Variants in GABRB3 observed in about 807,000 individuals in gnomAD.
GABRB3 encodes the protein gamma-aminobutyric acid receptor subunit beta-3.
A neutral mutation model predicts 52.1 loss-of-function variants in GABRB3; 14 were observed. That is an observed-to-expected ratio of 0.27 (90% confidence interval 0.18 to 0.42). The LOEUF (loss-of-function observed/expected upper bound fraction) is 0.42, where lower values mean the gene tolerates loss of function less well. Among genes scored for constraint, GABRB3 ranks in the 10% least tolerant of loss-of-function variants. The probability of loss-of-function intolerance (pLI) is 1.00; values close to 1 mark genes in which losing one functional copy is unlikely to be tolerated. For synonymous variants in GABRB3, 260 were observed against 232.3 expected (o/e 1.12, Z -1.08); for missense variants, 307 against 609.1 (o/e 0.50, Z 5.22).
chr15:26,554,958 T>C (rs1889698378), intron 8 of GABRB3, among the ~76,000 whole-genome samples: 1 of 151,892 alleles, frequency 6.6e-6, no homozygotes, highest in Non-Finnish European at 1.5e-5. Context: ...GGCGGGCGGA[T>C]CACGAGGTCA....
At chr15:26,721,720 C>T (rs1462362004) in intron 3 of GABRB3, among the ~76,000 whole-genome samples, 1 of 151,886 alleles carries the variant, frequency 6.6e-6, no homozygotes, top group African/African-American at 2.4e-5. Flanking sequence ...GCCTGCACCA[C>T]AAAATATAGA....
At chr15:26,673,357 A>C (rs1477812162) in intron 3 of GABRB3, among the ~76,000 whole-genome samples, 3 of 152,144 alleles carry the variant, frequency 2.0e-5, no homozygotes, top group Non-Finnish European at 4.4e-5. Flanking sequence ...CTGAGTTCAG[A>C]CTTCAGCTTA....
chr15:26,572,094 A>C (rs1412142567), intron 6 of GABRB3, among the ~76,000 whole-genome samples: 3 of 152,030 alleles, frequency 2.0e-5, no homozygotes, highest in Non-Finnish European at 4.4e-5. Context: ...CAATCAGCAA[A>C]ATGTTCCGGT....
chr15:26,624,436 G>C (rs1314719572), intron 3 of GABRB3: 47 of 985,336 alleles, frequency 4.8e-5, no homozygotes, highest in Non-Finnish European at 5.3e-5. Flanking sequence ...CCTCCGGATG[G>C]GCTCGCACAT....
chr15:26,573,678 T>A (rs748771363), intron 6 of GABRB3, among the ~76,000 whole-genome samples: 1 of 152,182 alleles, frequency 6.6e-6, no homozygotes, highest in Non-Finnish European at 1.5e-5. Flanking sequence ...TGCTCCAAAG[T>A]GTACCGTCAA....
intron 4 of GABRB3, chr15:26,615,492 T>A: frequency 1.0e-6 from 1 of 970,760 alleles, no homozygotes; most frequent in Non-Finnish European, 1.2e-6. Context: ...ATGGGAAAAA[T>A]GGCTCATGAT....
rs141100998 is a variant in GABRB3 at position 26,654,685 on chromosome 15, C to T, written c.241-33151G>A. On this transcript the variant is annotated intron_variant, in intron 3 of 8. Transcript: ENST00000311550. ...CTGACTTAAGAGAAGCATGTGAGAC[C>T]AGGAATTCAAGGCTGCAGTGACCTG... Among the ~76,000 whole-genome samples the T allele has an allele frequency of 9.9e-4, 150 of 152,232 alleles. No individual in the cohort carries two copies. In the Middle Eastern group the frequency reaches 0.01, roughly 10 times the overall value.
At chr15:26,715,646 A>G (rs993513567) in intron 3 of GABRB3, among the ~76,000 whole-genome samples, 11 of 152,222 alleles carry the variant, frequency 7.2e-5, no homozygotes, top group African/African-American at 2.7e-4. Context: ...ATGTTTTCAG[A>G]TAAAATTATA....
At chr15:26,596,951 C>T (rs190866030) in intron 4 of GABRB3, among the ~76,000 whole-genome samples, 3 of 152,228 alleles carry the variant, frequency 2.0e-5, no homozygotes, top group African/African-American at 7.2e-5. Context: ...TGAAGAGTCT[C>T]GAGGCAGTGT....
intron 3 of GABRB3, among the ~76,000 whole-genome samples, chr15:26,649,069 C>T (rs1485409214): frequency 6.6e-6 from 1 of 152,026 alleles, no homozygotes; most frequent in African/African-American, 2.4e-5. Flanking sequence ...ACTTCTCTCG[C>T]GCTGTTTTCT....
intron 3 of GABRB3, among the ~76,000 whole-genome samples, chr15:26,646,226 C>A (rs2140580924): frequency 6.6e-6 from 1 of 152,270 alleles, no homozygotes; most frequent in East Asian, 1.9e-4. Flanking sequence ...TCCCTTCACA[C>A]TCCATCACCC....
intron 3 of GABRB3, among the ~76,000 whole-genome samples, chr15:26,707,240 C>T (rs188906261): frequency 6.6e-6 from 1 of 152,176 alleles, no homozygotes; most frequent in East Asian, 1.9e-4. Context: ...CAGGCATGTT[C>T]CCAGGAACTC....
At chr15:26,692,092 C>A (rs1489695497) in intron 3 of GABRB3, among the ~76,000 whole-genome samples, 1 of 151,994 alleles carries the variant, frequency 6.6e-6, no homozygotes, top group South Asian at 2.1e-4. Context: ...TGAAAATAAC[C>A]CAGAAGAACA....
intron 3 of GABRB3, among the ~76,000 whole-genome samples, chr15:26,695,439 C>T (rs201749362): frequency 1.6e-5 from 2 of 121,488 alleles, no homozygotes; most frequent in East Asian, 5.9e-4. Flanking sequence ...CATAGAGTAA[C>T]ATAGTTCAAT....
chr15:26,568,059 C>T (rs1890246565), intron 6 of GABRB3, among the ~76,000 whole-genome samples: 1 of 152,206 alleles, frequency 6.6e-6, no homozygotes, highest in African/African-American at 2.4e-5. Context: ...GAATGATTAT[C>T]CCCTTCTTCC....
intron 3 of GABRB3, chr15:26,625,479 G>A (rs951310141): frequency 1.0e-6 from 1 of 985,264 alleles, no homozygotes; most frequent in South Asian, 4.7e-5. Flanking sequence ...CAGTCACAAA[G>A]AGATGGAATT....
At position 26,772,690 on chromosome 15, in the gene GABRB3, C is replaced by T. The variant is rs537830865; in HGVS notation, c.163G>A (p.Asp55Asn). The T allele has an allele frequency of 1.3e-6, 2 of 1,571,408 alleles. No individual in the cohort carries two copies. The highest frequency in any genetic ancestry group is 8.6e-7 in the Non-Finnish European group (1 of 1,159,070). Residue 55 changes from aspartate to asparagine, a missense_variant, in exon 2 of 9, where the codon GAC becomes AAC. Coordinates refer to ENST00000311550, the MANE Select transcript of GABRB3 (RefSeq NM_000814.6). Reference sequence around the variant, plus strand: ...CGCGCAGCCCACTTACCCCCGAAGTCGGGTCTTAGGCGAATGTCGTAGCCT... The same window carrying T: ...CGCGCAGCCCACTTACCCCCGAAGTTGGGTCTTAGGCGAATGTCGTAGCCT... ...LKGYDIRLRPDFGGPPVCVGM... is the reference protein window; with the variant it reads ...LKGYDIRLRPNFGGPPVCVGM...
intron 4 of GABRB3, among the ~76,000 whole-genome samples, chr15:26,605,912 T>C (rs886790211): frequency 2.6e-5 from 4 of 152,100 alleles, no homozygotes; most frequent in African/African-American, 9.7e-5. Flanking sequence ...GAAATATTGC[T>C]AGGGAGGTCT....
At chr15:26,569,119 C>A (rs1421298501) in intron 6 of GABRB3, among the ~76,000 whole-genome samples, 1 of 152,154 alleles carries the variant, frequency 6.6e-6, no homozygotes, top group Admixed American at 6.5e-5. Context: ...TAAATATATG[C>A]ATTCTACAGG....
Sources: allele counts gnomAD v4.1 joint callset (sites outside exome capture counted in the v4.1 genomes callset), GRCh38; gene constraint gnomAD v4.1.1; transcripts MANE v1.5; gene names NCBI Gene and HGNC (gene_info 2026-07-23, HGNC 2026-07-21).